Variants in UBXN2A observed in about 807,000 individuals in gnomAD.
UBXN2A encodes UBX domain-containing protein 2A.
Under a neutral mutation model 28.4 loss-of-function variants are expected in UBXN2A, and 28 were observed. The ratio of observed to expected loss-of-function variants is 0.99; its 90% CI spans 0.73 to 1.35. The LOEUF (loss-of-function observed/expected upper bound fraction) is 1.35. Ranked by LOEUF, UBXN2A falls within the 40% of genes most tolerant of loss-of-function variation. The pLI, the probability that UBXN2A is intolerant of heterozygous loss-of-function variation, is 0.00. For synonymous variants in UBXN2A, 97 were observed against 103.6 expected (o/e 0.94, Z 0.39); for missense variants, 253 against 297.9 (o/e 0.85, Z 1.11).
intron 1 of UBXN2A, 114 bp downstream of exon 1, chr2:23,940,762 G>T (rs1008849999): frequency 2.6e-5 from 4 of 152,046 alleles, no homozygotes; most frequent in Non-Finnish European, 5.9e-5. Context: ...CGGATCGTCG[G>T]TGTCGGGGGG....
At chr2:23,977,231 T>C in intron 4 of UBXN2A, 156 bp downstream of exon 4, 1 of 516,716 alleles carries the variant, frequency 1.9e-6, no homozygotes, top group Non-Finnish European at 3.4e-6. Context: ...CCAGCCCAGC[T>C]ACTCAGGATT....
chr2:23,976,807 C>G (rs1018263227), intron 3 of UBXN2A, among the ~76,000 whole-genome samples, 162 bp from the exon 4 acceptor site: 1 of 152,070 alleles, frequency 6.6e-6, no homozygotes, highest in African/African-American at 2.4e-5. Context: ...TCTCCAACTC[C>G]TAGGCTCAAG....
chr2:23,933,171 T>C (rs1241775296), intron 1 of UBXN2A, among the ~76,000 whole-genome samples: 1 of 151,144 alleles, frequency 6.6e-6, no homozygotes, highest in Non-Finnish European at 1.5e-5. Context: ...GAGCAAAAAA[T>C]GACAAAACAA....
At chr2:23,935,133 T>TAAAAC (rs1420586483) in intron 1 of UBXN2A, among the ~76,000 whole-genome samples, 1 of 152,036 alleles carries the variant, frequency 6.6e-6, no homozygotes, top group Non-Finnish European at 1.5e-5. Context: ...AGCTATAAAA[T>TAAAAC]GCTTAGAAAA....
At chr2:23,979,186 A>G (rs1707795782) in intron 4 of UBXN2A, among the ~76,000 whole-genome samples, 1 of 151,944 alleles carries the variant, frequency 6.6e-6, no homozygotes, top group East Asian at 1.9e-4. Context: ...CTACTAAAAA[A>G]TACAAAAATT....
chr2:23,966,007 T>C (rs1204473711), intron 2 of UBXN2A, among the ~76,000 whole-genome samples: 1 of 152,194 alleles, frequency 6.6e-6, no homozygotes, highest in Admixed American at 6.6e-5. Context: ...AAAGCAGTTC[T>C]TAATGCCTTT....
chr2:23,942,186 T>A (rs1705795632), intron 1 of UBXN2A, among the ~76,000 whole-genome samples: 1 of 152,138 alleles, frequency 6.6e-6, no homozygotes, highest in Non-Finnish European at 1.5e-5. Flanking sequence ...ACAGGGGGAC[T>A]TATCCAAGCT....
intron 6 of UBXN2A, among the ~76,000 whole-genome samples, chr2:23,996,063 T>TA (rs1007103650): frequency 2.8e-5 from 4 of 142,362 alleles, no homozygotes; most frequent in African/African-American, 1.0e-4. Flanking sequence ...CACGCCTGGC[T>TA]AATTTTTTTT....
intron 6 of UBXN2A, among the ~76,000 whole-genome samples, chr2:23,987,416 T>C (rs1172517219): frequency 6.6e-6 from 1 of 152,194 alleles, no homozygotes; most frequent in East Asian, 1.9e-4. Context: ...TATATATGTA[T>C]TGCTAAAATA....
At chr2:23,975,708 A>G (rs1334798003) in intron 3 of UBXN2A, among the ~76,000 whole-genome samples, 1 of 152,010 alleles carries the variant, frequency 6.6e-6, no homozygotes, top group Non-Finnish European at 1.5e-5. Flanking sequence ...GTGCGATCTC[A>G]TCTCCCCACA....
At chr2:23,933,179 C>T (rs916783189) in intron 1 of UBXN2A, among the ~76,000 whole-genome samples, 1 of 151,684 alleles carries the variant, frequency 6.6e-6, no homozygotes, top group Non-Finnish European at 1.5e-5. Flanking sequence ...AATGACAAAA[C>T]AAATTTTAAA....
intron 1 of UBXN2A, among the ~76,000 whole-genome samples, chr2:23,954,563 G>A (rs1002446669): frequency 9.2e-5 from 14 of 152,036 alleles, no homozygotes; most frequent in African/African-American, 1.7e-4. Flanking sequence ...CCTTGCCAAC[G>A]CTTGTTTTCT....
chr2:23,949,193 C>A (rs1209402247), intron 1 of UBXN2A, among the ~76,000 whole-genome samples: 9 of 149,858 alleles, frequency 6.0e-5, no homozygotes, highest in African/African-American at 2.2e-4. Context: ...AACTCCTAAC[C>A]TCAGGTGATC....
chr2:23,983,469 T>G (rs1707997758), intron 5 of UBXN2A, among the ~76,000 whole-genome samples: 1 of 152,046 alleles, frequency 6.6e-6, no homozygotes, highest in African/African-American at 2.4e-5. Flanking sequence ...ATCGCGCCAT[T>G]GCTCTCCAGT....
intron 1 of UBXN2A, among the ~76,000 whole-genome samples, chr2:23,954,447 T>G (rs1706517947): frequency 6.6e-6 from 1 of 152,218 alleles, no homozygotes; most frequent in Non-Finnish European, 1.5e-5. Flanking sequence ...TGTTTCCACC[T>G]TTTGGCTATT....
At position 24,001,894 on chromosome 2, in the gene UBXN2A, G is replaced by A. The variant is rs986580216; in HGVS notation, c.*2027G>A. ...GAGAATGGCTTGAACCCGGGAGGTGGAGGTTTCAGTGAGCCGAGATTGCGC... is the reference window on the plus strand; with the variant it reads ...GAGAATGGCTTGAACCCGGGAGGTGAAGGTTTCAGTGAGCCGAGATTGCGC... On this transcript the variant is annotated 3_prime_UTR_variant, in exon 7 of 7. Coordinates refer to ENST00000309033, the MANE Select transcript of UBXN2A (RefSeq NM_181713.4). 34 of 152,048 alleles carry A rather than the reference G, an allele frequency of 2.2e-4. 1 individual carries two copies. The highest frequency in any genetic ancestry group is 6.6e-4 in the Admixed American group (10 of 15,240). The allele number at this position is 152,048 out of a possible 1,614,324, so 9.4% of individuals were successfully genotyped here. A position where few individuals can be genotyped will look rare whatever the true frequency, so the allele number is the denominator to read the frequency against.
At chr2:23,982,204 CA>C (rs145235779) in intron 4 of UBXN2A, among the ~76,000 whole-genome samples, 118 of 141,334 alleles carry the variant, frequency 8.3e-4, no homozygotes, top group Non-Finnish European at 7.7e-4. Context: ...CTAAAAATAC[CA>C]AAAAAAAAAA....
chr2:23,960,072 G>A (rs923139052), intron 2 of UBXN2A, among the ~76,000 whole-genome samples: 1 of 151,950 alleles, frequency 6.6e-6, no homozygotes, highest in African/African-American at 2.4e-5. Flanking sequence ...CTAACACGGT[G>A]AAACCCCGTC....
chr2:23,964,115 A>G (rs2150849300), intron 2 of UBXN2A, among the ~76,000 whole-genome samples: 1 of 148,578 alleles, frequency 6.7e-6, no homozygotes, highest in East Asian at 2.0e-4. Flanking sequence ...ATTCTGGGTG[A>G]CAGAGCCAGA....
Sources: gnomAD v4.1 joint callset for allele counts (sites outside exome capture counted in the v4.1 genomes callset) on GRCh38, gnomAD v4.1.1 for gene constraint, MANE v1.5 for transcripts, NCBI Gene and HGNC (gene_info 2026-07-23, HGNC 2026-07-21) for gene names.